Variants in FAP observed in about 807,000 individuals in gnomAD.
FAP encodes prolyl endopeptidase FAP.
FAP carries 110 observed loss-of-function variants against 126.5 expected under a neutral mutation model. The ratio of observed to expected loss-of-function variants is 0.87; its 90% CI spans 0.74 to 1.02. FAP has a LOEUF of 1.02. Ranked by LOEUF, FAP falls within the 50% of genes least tolerant of loss-of-function variation. The pLI, the probability that FAP is intolerant of heterozygous loss-of-function variation, is 0.00. For synonymous variants in FAP, 334 were observed against 297.3 expected (o/e 1.12, Z -1.27); for missense variants, 919 against 909.2 (o/e 1.01, Z -0.14).
intron 11 of FAP, 77 bp from the exon 12 acceptor site, chr2:162,210,073 A>G: frequency 8.0e-7 from 1 of 1,257,128 alleles, no homozygotes; most frequent in Non-Finnish European, 1.2e-6. Context: ...ACATTTGGAA[A>G]CAGTTAAGCT....
rs1689073592 is a variant in FAP at position 162,214,183 on chromosome 2, A to T, written c.867-110T>A. ...TATATGTCATTATTATACATTACTT[A>T]TTTAATAGGTAAGCAAGACAAAACA... On this transcript the variant is annotated intron_variant, in intron 10 of 25. Coordinates refer to ENST00000188790, the MANE Select transcript of FAP (RefSeq NM_004460.5). 7 of 880,142 alleles carry T rather than the reference A, an allele frequency of 8.0e-6. No homozygotes were observed. In the Admixed American group the frequency reaches 1.8e-4, roughly 22 times the overall value. 54.5% of individuals were successfully genotyped at this position (880,142 alleles called of 1,614,324 possible).
rs1010484393 is a variant in FAP at position 162,213,463 on chromosome 2, A to G, written c.1002+475T>C. Among the ~76,000 whole-genome samples the G allele has an allele frequency of 3.3e-5, 5 of 151,740 alleles. 1 individual carries two copies. The highest frequency in any genetic ancestry group is 2.6e-4 in the Admixed American group (4 of 15,222). ...GAATATCTGGCTTTCTTTTGATAAT[A>G]TCCATTTCCTTTAGAATTTTTAATT... On this transcript the variant is annotated intron_variant, in intron 11 of 25. Coordinates refer to ENST00000188790, the MANE Select transcript of FAP (RefSeq NM_004460.5).
At position 162,174,276 on chromosome 2, in the gene FAP, A is replaced by T. The variant is rs554455131; in HGVS notation, c.1970-489T>A. Among the ~76,000 whole-genome samples, 18 of 152,240 alleles carry T rather than the reference A, an allele frequency of 1.2e-4. No individual in the cohort carries two copies. The South Asian group carries it at 3.5e-3, about 30-fold the overall frequency. On this transcript the variant is annotated intron_variant, in intron 22 of 25. Transcript: ENST00000188790. Reference sequence around the variant, plus strand: ...TAATCAAGATCCCCTACAAGTCACAATTGTTTTATTTCTGCCCCAATATAG... The same window carrying T: ...TAATCAAGATCCCCTACAAGTCACATTTGTTTTATTTCTGCCCCAATATAG...
Position 162,242,916 on chromosome 2 carries a change from G to A in FAP, c.83C>T (p.Pro28Leu). Residue 28 changes from proline to leucine, a missense_variant, in exon 2 of 26, where the codon CCT becomes CTT. Transcript: ENST00000188790. ...ALLVMCIVLR[P>L]SRVHNSEENT... ...TCAGAGAAAGTTCTTACCTCTTGAA[G>A]GGCGTAAGACAATGCACATCACCAA... 6.2e-7 allele frequency: 1 copy of A among 1,612,006 alleles called. No homozygotes were observed. The highest frequency in any genetic ancestry group is 8.5e-7 in the Non-Finnish European group (1 of 1,178,596).
intron 1 of FAP, 55 bp from the exon 2 acceptor site, chr2:162,243,047 A>T: frequency 3.5e-6 from 5 of 1,414,406 alleles, no homozygotes; most frequent in Non-Finnish European, 3.9e-6. Context: ...AATAGTAGAA[A>T]TGGCAAGATT....
intron 25 of FAP, chr2:162,172,570 A>C: frequency 2.3e-6 from 1 of 431,542 alleles, no homozygotes; most frequent in Non-Finnish European, 4.2e-6. Context: ...AGATCATTTA[A>C]TCTTGTGAAC....
rs138880014 is a variant in FAP, at chr2:162,185,945, C to T, written c.1814+2224G>A. 6.6e-4 allele frequency among the ~76,000 whole-genome samples: 100 copies of T among 152,216 alleles called. 1 individual carries two copies. The highest frequency in any genetic ancestry group is 4.4e-3 in the South Asian group (21 of 4,820). On this transcript the variant is annotated intron_variant, in intron 20 of 25. Coordinates refer to ENST00000188790, the MANE Select transcript of FAP (RefSeq NM_004460.5). The stretch of plus-strand genomic sequence containing the variant: ...GCATTGGATTATAAGGCTTCCTTTT[C>T]ACAGTTGCATAAGAACAATTTCAAG...
intron 1 of FAP, 83 bp from the exon 2 acceptor site, chr2:162,243,075 CT>C: frequency 9.1e-7 from 1 of 1,096,298 alleles, no homozygotes; most frequent in Non-Finnish European, 1.4e-6. Flanking sequence ...CACCTAAATC[CT>C]TTTTCTCTCG....
Position 162,174,921 on chromosome 2 carries a change from C to T in FAP, c.1915G>A (p.Gly639Ser), listed in dbSNP as rs1687433039. 6 of 1,612,836 alleles carry T rather than the reference C, an allele frequency of 3.7e-6. No individual in the cohort carries two copies. The highest frequency in any genetic ancestry group is 1.7e-5 in the Admixed American group (1 of 59,962). Residue 639 changes from glycine (G) to serine (S), a missense_variant, in exon 22 of 26, where the codon GGT (glycine) becomes AGT (serine). By Grantham distance (56) the Gly-to-Ser change is moderately conservative (BLOSUM62 0). Coordinates refer to ENST00000188790, the MANE Select transcript of FAP (RefSeq NM_004460.5). ...ACTGCTATACCACATTTGAAAAGAC[C>T]AGTTCCAGATGCAAGGGCCAGTGAT... Reference protein sequence around the residue: ...VSSLALASGTGLFKCGIAVAP... With the variant: ...VSSLALASGTSLFKCGIAVAP...
chr2:162,219,654 G>T (rs1321178440), intron 7 of FAP, among the ~76,000 whole-genome samples, 199 bp downstream of exon 7: 5 of 152,142 alleles, frequency 3.3e-5, no homozygotes, highest in Non-Finnish European at 7.4e-5. Context: ...TATATTTAAA[G>T]AAGTCTATCC....
intron 2 of FAP, among the ~76,000 whole-genome samples, chr2:162,229,965 T>A (rs1689829172): frequency 6.6e-6 from 1 of 152,192 alleles, no homozygotes. Context: ...GATGTATGAA[T>A]AACATATCCA....
rs1576128152 is a variant in FAP, at chr2:162,173,232, G to A, written c.2035-11C>T. On this transcript the variant is annotated splice_polypyrimidine_tract_variant and intron_variant, in intron 23 of 25. Coordinates refer to ENST00000188790, the MANE Select transcript of FAP (RefSeq NM_004460.5). ...CATCACAGTTGAATTCTGGAAAAGA[G>A]AAAAAAATTAACATTTTAGTTGCTG... 1 of 1,608,234 alleles carries A rather than the reference G, an allele frequency of 6.2e-7. No individual in the cohort carries two copies. The highest frequency in any genetic ancestry group is 2.2e-5 in the East Asian group (1 of 44,830).
At chr2:162,188,662 C>T (rs938901241) in intron 19 of FAP, among the ~76,000 whole-genome samples, 3 of 152,022 alleles carry the variant, frequency 2.0e-5, no homozygotes, top group African/African-American at 4.8e-5. Context: ...TAAAAGCAGA[C>T]ATAAGATATA....
intron 11 of FAP, among the ~76,000 whole-genome samples, chr2:162,211,584 C>G (rs764370638): frequency 6.6e-6 from 1 of 152,142 alleles, no homozygotes; most frequent in Non-Finnish European, 1.5e-5. Context: ...ATTTTAAGAA[C>G]ACAGTCTGGA....
At chr2:162,199,387 T>C (rs1219229086) in intron 15 of FAP, among the ~76,000 whole-genome samples, 1 of 152,226 alleles carries the variant, frequency 6.6e-6, no homozygotes, top group Non-Finnish European at 1.5e-5. Context: ...TGCGCCTTCA[T>C]TCCTTTCAGC....
chr2:162,189,792 T>G (rs1285926862), intron 17 of FAP, 38 bp from the exon 18 acceptor site: 2 of 1,217,132 alleles, frequency 1.6e-6, no homozygotes, highest in South Asian at 2.7e-5. Flanking sequence ...ATCAATAGTA[T>G]TTCCATAAAC....
intron 6 of FAP, among the ~76,000 whole-genome samples, chr2:162,221,000 C>A (rs1689365198): frequency 6.6e-6 from 1 of 152,158 alleles, no homozygotes; most frequent in African/African-American, 2.4e-5. Context: ...CTTTCCCATT[C>A]TTTTAATATT....
At chr2:162,242,231 C>G (rs1451885160) in intron 2 of FAP, among the ~76,000 whole-genome samples, 1 of 151,994 alleles carries the variant, frequency 6.6e-6, no homozygotes, top group Non-Finnish European at 1.5e-5. Context: ...CAACATAGTC[C>G]TACTTTATAT....
intron 2 of FAP, among the ~76,000 whole-genome samples, chr2:162,241,046 G>T (rs183888951): frequency 1.9e-4 from 29 of 152,316 alleles, no homozygotes; most frequent in Non-Finnish European, 3.1e-4. Flanking sequence ...CCATTCACAA[G>T]CTGTTTAGCT....
Sources: gnomAD v4.1 joint callset for allele counts (sites outside exome capture counted in the v4.1 genomes callset) on GRCh38, gnomAD v4.1.1 for gene constraint, MANE v1.5 for transcripts, NCBI Gene and HGNC (gene_info 2026-07-23, HGNC 2026-07-21) for gene names.